NCKAP5: variants seen among roughly 807,000 people sequenced by gnomAD.
The protein encoded by NCKAP5 is nck-associated protein 5.
In NCKAP5, 92 loss-of-function variants were observed where a neutral mutation model predicts 167.0. The observed-to-expected ratio is 0.55, with a 90% CI of 0.47 to 0.66. The LOEUF is 0.66. Among genes scored for constraint, NCKAP5 ranks in the 30% least tolerant of loss-of-function variants. NCKAP5 has a pLI of 0.00. For missense variants in NCKAP5, 2,378 were observed against 2,315.0 expected (o/e 1.03, Z -0.56); for synonymous variants, 891 against 877.4 (o/e 1.02, Z -0.27).
chr2:133,559,601 T>C (rs1688015890), intron 1 of NCKAP5, among the ~76,000 whole-genome samples: 1 of 152,156 alleles, frequency 6.6e-6, no homozygotes, highest in African/African-American at 2.4e-5. Context: ...ATTATAAGCG[T>C]GAGCCCCTCA....
At chr2:132,702,199 A>T (rs1041673404) in intron 19 of NCKAP5, among the ~76,000 whole-genome samples, 2 of 152,184 alleles carry the variant, frequency 1.3e-5, no homozygotes, top group Non-Finnish European at 2.9e-5. Flanking sequence ...AAACATAAAT[A>T]GGCAATGCAT....
chr2:133,312,069 C>T (rs1054392591), intron 3 of NCKAP5, among the ~76,000 whole-genome samples: 1 of 152,096 alleles, frequency 6.6e-6, no homozygotes, highest in African/African-American at 2.4e-5. Flanking sequence ...AAATTCACAA[C>T]CAAAATTTGC....
Position 133,172,961 on chromosome 2 carries a change from AG to A in NCKAP5, c.207+40754del, listed in dbSNP as rs2084311348. 1.3e-5 allele frequency among the ~76,000 whole-genome samples: 2 copies of A among 152,116 alleles called. 1 individual carries two copies. The highest frequency in any genetic ancestry group is 1.3e-4 in the Admixed American group (2 of 15,268). On this transcript the variant is annotated intron_variant, in intron 5 of 19. Coordinates refer to ENST00000409261, the MANE Select transcript of NCKAP5 (RefSeq NM_207363.3). ...CGACCTCCCAAAGAGCTGGGATTAC[AG>A]GCGGGAGCCACCGTGACGGGCTATC...
chr2:133,136,035 A>C (rs1367600121), intron 5 of NCKAP5, among the ~76,000 whole-genome samples: 1 of 152,226 alleles, frequency 6.6e-6, no homozygotes, highest in Non-Finnish European at 1.5e-5. Context: ...GAAAGAAAAC[A>C]CATTTTAAAT....
At chr2:133,111,284 G>A (rs1029380210) in intron 6 of NCKAP5, among the ~76,000 whole-genome samples, 2 of 152,156 alleles carry the variant, frequency 1.3e-5, no homozygotes, top group Non-Finnish European at 2.9e-5. Context: ...GATTGTTGCT[G>A]TAGACCTGCC....
At chr2:133,672,039 G>A in the NCKAP5 span, among the ~76,000 whole-genome samples, 9 of 152,210 alleles carry the variant, frequency 5.9e-5, no homozygotes, top group East Asian at 1.7e-3. Context: ...GGTATTGATT[G>A]CAATAAATGC....
At chr2:132,722,922 C>A (rs1690066635) in intron 19 of NCKAP5, among the ~76,000 whole-genome samples, 2 of 152,026 alleles carry the variant, frequency 1.3e-5, no homozygotes, top group Admixed American at 1.3e-4. Context: ...CTCAAGCAAG[C>A]CTCCCACCTT....
At chr2:133,629,280 CA>C in the NCKAP5 span, among the ~76,000 whole-genome samples, 1 of 152,048 alleles carries the variant, frequency 6.6e-6, no homozygotes, top group Non-Finnish European at 1.5e-5. Context: ...GGAACTTAAA[CA>C]AATTTACAGG....
intron 8 of NCKAP5, among the ~76,000 whole-genome samples, chr2:132,955,598 A>C (rs769394472): frequency 1.2e-4 from 18 of 152,184 alleles, no homozygotes; most frequent in Admixed American, 2.0e-4. Flanking sequence ...TACTATTGTA[A>C]ATAGTGCTGT....
At chr2:133,308,233 C>G (rs990269772) in intron 3 of NCKAP5, among the ~76,000 whole-genome samples, 2 of 151,286 alleles carry the variant, frequency 1.3e-5, no homozygotes, top group South Asian at 4.2e-4. Context: ...GGACTACAGG[C>G]GCCCGCCACC....
intron 3 of NCKAP5, among the ~76,000 whole-genome samples, chr2:133,385,951 G>C (rs780911575): frequency 7.3e-5 from 11 of 151,676 alleles, no homozygotes; most frequent in Non-Finnish European, 1.5e-4. Flanking sequence ...TTCTTTATTA[G>C]TCTTGTTAGC....
intron 4 of NCKAP5, among the ~76,000 whole-genome samples, chr2:133,229,816 C>A (rs550651222): frequency 3.3e-4 from 50 of 152,168 alleles, no homozygotes; most frequent in African/African-American, 1.1e-3. Flanking sequence ...ACACACAAAA[C>A]CTCCATGAAT....
At chr2:132,923,756 T>C (rs1429252855) in intron 8 of NCKAP5, among the ~76,000 whole-genome samples, 1 of 152,178 alleles carries the variant, frequency 6.6e-6, no homozygotes, top group Non-Finnish European at 1.5e-5. Context: ...AATAATTGTT[T>C]TATAACTCTT....
intron 3 of NCKAP5, among the ~76,000 whole-genome samples, chr2:133,348,236 T>G (rs1467477730): frequency 1.3e-5 from 2 of 152,170 alleles, no homozygotes; most frequent in Admixed American, 1.3e-4. Flanking sequence ...CTCCTTCCAT[T>G]GCTGAATTAA....
chr2:133,238,350 C>G (rs2087521469), intron 4 of NCKAP5, among the ~76,000 whole-genome samples: 1 of 152,148 alleles, frequency 6.6e-6, no homozygotes, highest in Non-Finnish European at 1.5e-5. Context: ...GCAGTGGCTT[C>G]AAGCCCAGCC....
intron 3 of NCKAP5, among the ~76,000 whole-genome samples, chr2:133,347,088 A>G (rs1172750947): frequency 6.6e-6 from 1 of 152,224 alleles, no homozygotes; most frequent in Non-Finnish European, 1.5e-5. Context: ...ATTTATGTTA[A>G]AAGTTCTACA....
At chr2:132,855,797 G>C (rs1689419489) in intron 11 of NCKAP5, among the ~76,000 whole-genome samples, 1 of 151,742 alleles carries the variant, frequency 6.6e-6, no homozygotes, top group Non-Finnish European at 1.5e-5. Context: ...TCATCTTTTT[G>C]TCTCACTTCA....
intron 4 of NCKAP5, among the ~76,000 whole-genome samples, chr2:133,288,431 T>C (rs988432980): frequency 6.6e-6 from 1 of 152,168 alleles, no homozygotes; most frequent in African/African-American, 2.4e-5. Context: ...TCCAGGTAAA[T>C]ACATATTTGG....
chr2:133,200,978 T>C (rs1287224544), intron 5 of NCKAP5, among the ~76,000 whole-genome samples: 1 of 152,202 alleles, frequency 6.6e-6, no homozygotes, highest in East Asian at 1.9e-4. Flanking sequence ...TTTTTTCTTA[T>C]AATACACATG....
Sources: allele counts gnomAD v4.1 joint callset (sites outside exome capture counted in the v4.1 genomes callset), GRCh38; gene constraint gnomAD v4.1.1; transcripts MANE v1.5; gene names NCBI Gene and HGNC (gene_info 2026-07-23, HGNC 2026-07-21).